Variants in ACOT7 observed in about 807,000 individuals in gnomAD.
ACOT7 encodes the protein cytosolic acyl coenzyme A thioester hydrolase.
In ACOT7, 12 loss-of-function variants were observed where a neutral mutation model predicts 40.2. The ratio of observed to expected loss-of-function variants is 0.30; its 90% confidence interval spans 0.19 to 0.48. The LOEUF (loss-of-function observed/expected upper bound fraction) is 0.48, where lower values mean the gene tolerates loss of function less well. Among genes scored for constraint, ACOT7 ranks in the 20% least tolerant of loss-of-function variants. The pLI is 0.99. For missense variants in ACOT7, 395 were observed against 530.8 expected (o/e 0.74, Z 2.51); for synonymous variants, 228 against 219.5 (o/e 1.04, Z -0.34).
intron 1 of ACOT7, among the ~76,000 whole-genome samples, chr1:6,390,445 G>A (rs1040170471): frequency 1.3e-5 from 2 of 150,884 alleles, no homozygotes; most frequent in East Asian, 2.0e-4. Flanking sequence ...GGTGGTGCAC[G>A]CCTGTAGTCC....
At chr1:6,360,584 C>T (rs1162518592) in intron 1 of ACOT7, 1 of 1,614,202 alleles carries the variant, frequency 6.2e-7, no homozygotes, top group Non-Finnish European at 8.5e-7. Context: ...TGGCCTTCTC[C>T]CCAAAACAGG....
In ACOT7 at chr1:6,278,485, A is replaced by G. The variant is rs1029973980; in HGVS notation, c.1014+2617T>C. ...ACTGGGTGGGCGTGGGCATGGGGGG[A>G]GTAGGGAGGAGCCAGCTGGGTTCCC... On this transcript the variant is annotated intron_variant, in intron 8 of 8. Transcript: ENST00000361521. This position sits in a 1 kb window ranked among gnomAD's most constrained non-coding sequence, Gnocchi z 4.1. Among the ~76,000 whole-genome samples the G allele has an allele frequency of 6.6e-6, 1 of 151,566 alleles. No individual in the cohort carries two copies. The highest frequency in any genetic ancestry group is 1.5e-5 in the Non-Finnish European group (1 of 67,894).
At chr1:6,281,639 G>A (rs1008621209) in intron 7 of ACOT7, among the ~76,000 whole-genome samples, 5 of 152,198 alleles carry the variant, frequency 3.3e-5, no homozygotes, top group Non-Finnish European at 4.4e-5. Flanking sequence ...TGCCTTCCAG[G>A]AGCTGTGGGT....
At chr1:6,367,159 A>T (rs1309693893) in intron 1 of ACOT7, among the ~76,000 whole-genome samples, 1 of 150,718 alleles carries the variant, frequency 6.6e-6, no homozygotes, top group Non-Finnish European at 1.5e-5. Context: ...AGATCGCACC[A>T]CTGCACTCCA....
At chr1:6,308,356 A>G (rs974661098) in intron 6 of ACOT7, among the ~76,000 whole-genome samples, 3 of 151,540 alleles carry the variant, frequency 2.0e-5, no homozygotes, top group Admixed American at 1.3e-4. Flanking sequence ...CAGAAGGAAC[A>G]GCCACAGGCA....
intron 7 of ACOT7, among the ~76,000 whole-genome samples, chr1:6,292,889 C>CTTTTT (rs973103642): frequency 8.0e-6 from 1 of 125,084 alleles, no homozygotes; most frequent in Non-Finnish European, 1.7e-5. Flanking sequence ...ATTTCTTTTT[C>CTTTTT]TTTTTTTTTT....
chr1:6,322,002 C>T (rs1640658720), intron 5 of ACOT7, among the ~76,000 whole-genome samples: 1 of 152,162 alleles, frequency 6.6e-6, no homozygotes, highest in Non-Finnish European at 1.5e-5. Context: ...TGATTCTGGA[C>T]ACCCCTAGAC....
In ACOT7 at chr1:6,294,428, T is replaced by C. The variant is rs1160197469; in HGVS notation, c.829+436A>G. On this transcript the variant is annotated intron_variant, in intron 7 of 8. Transcript: ENST00000361521. The surrounding 1 kb of genome is among the most constrained non-coding windows in gnomAD (Gnocchi z 4.6). The stretch of plus-strand genomic sequence containing the variant: ...AATGCCAGTGCTGCCCTGGGTGGCG[T>C]GGGCAGGGCTGGCCGAGGAGGGGCT... Among the ~76,000 whole-genome samples the C allele has an allele frequency of 6.6e-6, 1 of 152,196 alleles. No homozygotes were observed. The highest frequency in any genetic ancestry group is 1.5e-5 in the Non-Finnish European group (1 of 68,026).
At chr1:6,303,873 C>G (rs879629971) in intron 6 of ACOT7, among the ~76,000 whole-genome samples, 2 of 152,120 alleles carry the variant, frequency 1.3e-5, no homozygotes, top group Admixed American at 1.3e-4. Flanking sequence ...GAGCTGCCCA[C>G]GCCCATTGAT....
chr1:6,320,232 C>A (rs1640604912), intron 5 of ACOT7, among the ~76,000 whole-genome samples: 1 of 152,228 alleles, frequency 6.6e-6, no homozygotes, highest in Admixed American at 6.5e-5. Flanking sequence ...AGGACGGGAT[C>A]CGAAAAGGAG....
At chr1:6,327,252 G>T (rs191560005) in intron 5 of ACOT7, 47 bp downstream of exon 5, 108 of 1,586,648 alleles carry the variant, frequency 6.8e-5, no homozygotes, top group Middle Eastern at 1.7e-4. Context: ...CCTCCTATGC[G>T]TCCCCGGTGA....
chr1:6,329,283 G>A (rs1397529632), intron 4 of ACOT7, among the ~76,000 whole-genome samples: 1 of 152,190 alleles, frequency 6.6e-6, no homozygotes, highest in Non-Finnish European at 1.5e-5. Context: ...GGCTGAGAAG[G>A]GAGCTGAAGC....
Position 6,294,821 on chromosome 1 carries a change from C to A in ACOT7, c.829+43G>T. 1 of 1,556,376 alleles carries A rather than the reference C, an allele frequency of 6.4e-7. No individual in the cohort carries two copies. Among genetic ancestry groups the A allele is most frequent in the Non-Finnish European group, 8.9e-7 (1 of 1,129,360 alleles). On this transcript the variant is annotated intron_variant, in intron 7 of 8. Transcript: ENST00000361521. The surrounding 1 kb of genome is among the most constrained non-coding windows in gnomAD (Gnocchi z 4.6). The stretch of plus-strand genomic sequence containing the variant: ...AAACTGGTGCAGGGACCCAAGCAGC[C>A]GAGGGCCACTGCCTCCCTCGTCTTT...
chr1:6,299,063 TGA>T lies in ACOT7; in HGVS notation c.713-4085_713-4084del, dbSNP rs1006243031. On this transcript the variant is annotated intron_variant, in intron 6 of 8. Coordinates refer to ENST00000361521, the MANE Select transcript of ACOT7 (RefSeq NM_007274.4). This position sits in a 1 kb window ranked among gnomAD's most constrained non-coding sequence, Gnocchi z 4.1. ...AGTCCCTCTGTCCCCGTCTAGAGTG[TGA>T]GAGTCACTGCCATAGCCTGGCTGGG... is the stretch of plus-strand genomic sequence containing the variant. Among the ~76,000 whole-genome samples the T allele has an allele frequency of 3.3e-5, 5 of 152,172 alleles. No homozygotes were observed. Among genetic ancestry groups the T allele is most frequent in the African/African-American group, 1.2e-4 (5 of 41,454 alleles).
chr1:6,346,938 G>A (rs924960930), intron 2 of ACOT7, among the ~76,000 whole-genome samples: 9 of 152,180 alleles, frequency 5.9e-5, no homozygotes, highest in Admixed American at 5.9e-4. Context: ...CATTTACTGA[G>A]GGGAGGGAGG....
intron 1 of ACOT7, chr1:6,385,712 C>A (rs1319512576): frequency 6.4e-7 from 1 of 1,574,460 alleles, no homozygotes; most frequent in Admixed American, 1.8e-5. Flanking sequence ...AAGTATGATG[C>A]CCAGCAGAGC....
intron 6 of ACOT7, among the ~76,000 whole-genome samples, chr1:6,297,041 A>G (rs1018825860): frequency 6.6e-6 from 1 of 152,014 alleles, no homozygotes; most frequent in Non-Finnish European, 1.5e-5. Context: ...TAGGACACAG[A>G]ATGATTTTTT....
At chr1:6,285,666 C>T (rs1039801504) in intron 7 of ACOT7, among the ~76,000 whole-genome samples, 14 of 152,186 alleles carry the variant, frequency 9.2e-5, no homozygotes, top group African/African-American at 3.1e-4. Context: ...CTGAAGACAG[C>T]GTGTCCAGGT....
intron 1 of ACOT7, among the ~76,000 whole-genome samples, chr1:6,391,253 C>T (rs1421605544): frequency 1.3e-5 from 2 of 151,590 alleles, no homozygotes; most frequent in African/African-American, 2.4e-5. Context: ...AATCCCAGCA[C>T]TTTGGGAGGC....
Sources: allele counts gnomAD v4.1 joint callset (sites outside exome capture counted in the v4.1 genomes callset), GRCh38; gene constraint gnomAD v4.1.1; non-coding constraint Gnocchi (gnomAD v3.1); transcripts MANE v1.5; gene names NCBI Gene and HGNC (gene_info 2026-07-23, HGNC 2026-07-21).